ANKRD11: variants seen among roughly 807,000 people sequenced by gnomAD.
The protein encoded by ANKRD11 is ankyrin repeat domain 11.
Under a neutral mutation model 195.7 loss-of-function variants are expected in ANKRD11, and 17 were observed. The observed-to-expected ratio is 0.09, with a 90% CI of 0.06 to 0.13. The LOEUF (loss-of-function observed/expected upper bound fraction) is 0.13. Among genes scored for constraint, ANKRD11 ranks in the 10% least tolerant of loss-of-function variants. The pLI is 1.00. For missense variants in ANKRD11, 3,735 were observed against 3,566.1 expected, an observed-to-expected ratio of 1.05 and a Z score of -1.21; for synonymous variants, 1,953 against 1,528.1, an observed-to-expected ratio of 1.28 and a Z score of -6.49.
At chr16:89,391,054 CCA>C (rs1567738930) in intron 2 of ANKRD11, among the ~76,000 whole-genome samples, 1 of 151,994 alleles carries the variant, frequency 6.6e-6, no homozygotes, top group Non-Finnish European at 1.5e-5. Context: ...CGGTGAAACC[CCA>C]TCTCTACTAA....
At chr16:89,490,067 G>A (rs1301323172) in intron 1 of ANKRD11, among the ~76,000 whole-genome samples, 178 bp downstream of exon 1, 1 of 143,682 alleles carries the variant, frequency 7.0e-6, no homozygotes, top group Non-Finnish European at 1.5e-5. Context: ...CCCATTATTG[G>A]TCCCTCACGA....
At chr16:89,410,074 C>A (rs1402308138) in intron 2 of ANKRD11, among the ~76,000 whole-genome samples, 1 of 152,148 alleles carries the variant, frequency 6.6e-6, no homozygotes, top group Admixed American at 6.5e-5. Context: ...CTCCTGACCT[C>A]GTGATCCGCC....
At chr16:89,346,250 GAAAAAAAA>G (rs35573539) in intron 2 of ANKRD11, among the ~76,000 whole-genome samples, 1 of 96,880 alleles carries the variant, frequency 1.0e-5, no homozygotes. Context: ...CCCGTCTCAG[GAAAAAAAA>G]AAAAAAAAAA....
chr16:89,404,836 G>A (rs775527620), intron 2 of ANKRD11, among the ~76,000 whole-genome samples: 8 of 152,228 alleles, frequency 5.3e-5, no homozygotes, highest in Admixed American at 2.0e-4. Context: ...GACGCTGAAT[G>A]TACTACACAA....
chr16:89,431,899 C>T (rs1262467883), intron 1 of ANKRD11, among the ~76,000 whole-genome samples: 1 of 152,098 alleles, frequency 6.6e-6, no homozygotes, highest in Non-Finnish European at 1.5e-5. Context: ...TGCAGGGCAC[C>T]ACTGTCTAAC....
Position 89,296,639 on chromosome 16 carries a change from C to T in ANKRD11, c.227-5456G>A, listed in dbSNP as rs546213322. 1.4e-3 allele frequency among the ~76,000 whole-genome samples: 210 copies of T among 152,362 alleles called. 1 individual carries two copies. The highest frequency in any genetic ancestry group is 2.1e-3 in the Non-Finnish European group (142 of 68,044). ...TACTGTGCATTTAACCATCCCAGCACGTGAGGTCCCTGGGGCTGACCCCTG... is the reference window on the plus strand; with the variant it reads ...TACTGTGCATTTAACCATCCCAGCATGTGAGGTCCCTGGGGCTGACCCCTG... On this transcript the variant is annotated intron_variant, in intron 4 of 12. Transcript: ENST00000301030.
intron 1 of ANKRD11, among the ~76,000 whole-genome samples, chr16:89,425,532 C>T (rs1448589163): frequency 6.6e-6 from 1 of 152,178 alleles, no homozygotes; most frequent in Non-Finnish European, 1.5e-5. Context: ...CCCCACAATC[C>T]CAAGGCCAGC....
rs974153822 is a variant in ANKRD11 at position 89,449,686 on chromosome 16, G to A, written c.-144-31318C>T. On this transcript the variant is annotated intron_variant, in intron 1 of 12. Coordinates refer to ENST00000301030, the MANE Select transcript of ANKRD11 (RefSeq NM_013275.6). The stretch of plus-strand genomic sequence containing the variant: ...TACATGCCTGTAATCCCAGCTACTC[G>A]GGAGGCTGAGGCAGGAGAATCACTT... Among the ~76,000 whole-genome samples the A allele has an allele frequency of 9.2e-5, 14 of 152,172 alleles. 1 individual carries two copies. The highest frequency in any genetic ancestry group is 2.1e-4 in the South Asian group (1 of 4,816).
chr16:89,418,749 C>T (rs1355056771), intron 1 of ANKRD11, among the ~76,000 whole-genome samples: 1 of 151,234 alleles, frequency 6.6e-6, no homozygotes, highest in Non-Finnish European at 1.5e-5. Context: ...TACCAGTAAG[C>T]TAAGTTTTTA....
At chr16:89,456,257 T>G (rs1444330918) in intron 1 of ANKRD11, among the ~76,000 whole-genome samples, 119 of 118,778 alleles carry the variant, frequency 1.0e-3, no homozygotes, top group Admixed American at 1.8e-3. Flanking sequence ...AAAGGGGGGG[T>G]GGAAACGGGG....
intron 2 of ANKRD11, among the ~76,000 whole-genome samples, chr16:89,381,951 T>C (rs1467511422): frequency 6.6e-6 from 1 of 152,192 alleles, no homozygotes; most frequent in East Asian, 1.9e-4. Flanking sequence ...TCAGACTGTA[T>C]CTAGTTCTAT....
At chr16:89,313,339 C>A in intron 3 of ANKRD11, 13 of 1,287,348 alleles carry the variant, frequency 1.0e-5, no homozygotes, top group Non-Finnish European at 1.3e-5. Flanking sequence ...ACACACTCAA[C>A]GATGCAGACA....
intron 1 of ANKRD11, among the ~76,000 whole-genome samples, chr16:89,485,311 C>T (rs369477129): frequency 3.2e-4 from 48 of 150,078 alleles, no homozygotes; most frequent in South Asian, 8.5e-4. Context: ...TGGGGAAACC[C>T]CATCTCTACT....
In ANKRD11 at chr16:89,282,761, C is replaced by G; in HGVS notation, c.3781G>C (p.Asp1261His). The change falls in exon 9 of 13, where the codon GAC becomes CAC. Residue 1261 changes from aspartate (D) to histidine (H), a missense_variant. Coordinates refer to ENST00000301030, the MANE Select transcript of ANKRD11 (RefSeq NM_013275.6). Reference sequence around the variant, plus strand: ...TTCCTCTCCTTGGAATGTTCTTTGTCCGACTTCTCTTTGTGTTTGCTTTTA... The same window carrying G: ...TTCCTCTCCTTGGAATGTTCTTTGTGCGACTTCTCTTTGTGTTTGCTTTTA... ...KAKSKHKEKSDKEHSKERKSS... is the reference protein window; with the variant it reads ...KAKSKHKEKSHKEHSKERKSS... 1 of 1,613,214 alleles carries G rather than the reference C, an allele frequency of 6.2e-7. No individual in the cohort carries two copies. The highest frequency in any genetic ancestry group is 1.7e-5 in the Admixed American group (1 of 59,992).
chr16:89,277,556 G>A (rs568563887), intron 9 of ANKRD11: 2 of 152,278 alleles, frequency 1.3e-5, no homozygotes, highest in African/African-American at 2.4e-5. Flanking sequence ...CAGAAGATCA[G>A]AAGGTCTTAC....
intron 2 of ANKRD11, among the ~76,000 whole-genome samples, chr16:89,357,919 G>T (rs1174543435): frequency 3.3e-5 from 5 of 152,242 alleles, no homozygotes; most frequent in Non-Finnish European, 7.3e-5. Context: ...ACACTGGGAT[G>T]AAAGTAATGA....
At position 89,479,613 on chromosome 16, in the gene ANKRD11, C is replaced by A. The variant is rs561223166; in HGVS notation, c.-145+10632G>T. ...TCACACCACTGCACTCCAGCCTGGG[C>A]AACAGAGCGAAACTCCGCCCCCAAA... On this transcript the variant is annotated intron_variant, in intron 1 of 12. Coordinates refer to ENST00000301030, the MANE Select transcript of ANKRD11 (RefSeq NM_013275.6). Among the ~76,000 whole-genome samples the A allele has an allele frequency of 4.4e-5, 6 of 137,020 alleles. No homozygotes were observed. The South Asian group carries it at 1.2e-3, about 27-fold the overall frequency. The allele number at this position is 137,020 out of a possible 152,430, so 89.9% of individuals were successfully genotyped here.
Position 89,283,438 on chromosome 16 carries a change from T to C in ANKRD11, c.3104A>G (p.Lys1035Arg). The C allele has an allele frequency of 6.2e-7, 1 of 1,614,218 alleles. No homozygotes were observed. Residue 1035 changes from lysine to arginine, a missense_variant, in exon 9 of 13, where the codon AAG (lysine) becomes AGG (arginine). Lys to Arg is a conservative substitution (Grantham distance 26, BLOSUM62 2). Coordinates refer to ENST00000301030, the MANE Select transcript of ANKRD11 (RefSeq NM_013275.6). This position sits in a 1 kb window ranked among gnomAD's most constrained non-coding sequence, Gnocchi z 4.3. ...PERYKEKSSD[K>R]DKSEKSILEK... Reference sequence around the variant, plus strand: ...CAGGATTGATTTCTCACTTTTGTCCTTGTCACTGGATTTCTCTTTGTATCT... The same window carrying C: ...CAGGATTGATTTCTCACTTTTGTCCCTGTCACTGGATTTCTCTTTGTATCT...
intron 1 of ANKRD11, among the ~76,000 whole-genome samples, chr16:89,429,986 G>C (rs1395505670): frequency 8.7e-6 from 1 of 115,524 alleles, no homozygotes; most frequent in Non-Finnish European, 1.8e-5. Context: ...CAACTCTCAC[G>C]CTCAGTCGTT....
Sources: allele counts gnomAD v4.1 joint callset (sites outside exome capture counted in the v4.1 genomes callset), GRCh38; gene constraint gnomAD v4.1.1; non-coding constraint Gnocchi (gnomAD v3.1); transcripts MANE v1.5; gene names NCBI Gene and HGNC (gene_info 2026-07-23, HGNC 2026-07-21).